Variants in MERTK observed in about 807,000 individuals in gnomAD.
MERTK encodes the protein MER proto-oncogene, tyrosine kinase.
Under a neutral mutation model 99.3 loss-of-function variants are expected in MERTK, and 69 were observed. That is an observed-to-expected ratio of 0.70 (90% confidence interval 0.57 to 0.85). MERTK has a LOEUF of 0.85. MERTK is among the 40% of genes least tolerant of loss of function. The pLI is 0.00. For synonymous variants in MERTK, 426 were observed against 467.6 expected (o/e 0.91, Z 1.15); for missense variants, 1,125 against 1,249.4 (o/e 0.90, Z 1.50).
intron 4 of MERTK, among the ~76,000 whole-genome samples, chr2:111,957,205 G>A (rs1425687004): frequency 6.6e-6 from 1 of 151,846 alleles, no homozygotes; most frequent in Non-Finnish European, 1.5e-5. Flanking sequence ...ACAGGTGTGA[G>A]CCACTGCGCC....
At chr2:111,986,604 CTG>C (rs1166509856) in intron 8 of MERTK, among the ~76,000 whole-genome samples, 1 of 152,194 alleles carries the variant, frequency 6.6e-6, no homozygotes, top group Non-Finnish European at 1.5e-5. Flanking sequence ...TTATGAATGA[CTG>C]TGGCTGGAGA....
At chr2:111,971,940 C>T (rs1220311500) in intron 6 of MERTK, among the ~76,000 whole-genome samples, 2 of 152,178 alleles carry the variant, frequency 1.3e-5, no homozygotes, top group Non-Finnish European at 1.5e-5. Context: ...TTCTCCCTTC[C>T]GTTCTATCAG....
At chr2:112,027,888 G>A (rs1205482684) in intron 18 of MERTK, among the ~76,000 whole-genome samples, 1 of 152,186 alleles carries the variant, frequency 6.6e-6, no homozygotes, top group Non-Finnish European at 1.5e-5. Context: ...CCTATAAAGT[G>A]CCAAATAGCA....
In MERTK at chr2:112,028,994, A is replaced by C; in HGVS notation, c.*130A>C. On this transcript the variant is annotated 3_prime_UTR_variant, in exon 19 of 19. Coordinates refer to ENST00000295408, the MANE Select transcript of MERTK (RefSeq NM_006343.3). ...CTCCATGGCCCCAAAGCACCAGATG[A>C]ATGTTGTTAAGTAAGCTGTCATTAA... The C allele has an allele frequency of 1.3e-6, 2 of 1,563,146 alleles. No homozygotes were observed. Among genetic ancestry groups the C allele is most frequent in the Non-Finnish European group, 1.7e-6 (2 of 1,153,604 alleles).
At chr2:111,977,138 T>A (rs1439435938) in intron 7 of MERTK, among the ~76,000 whole-genome samples, 1 of 152,218 alleles carries the variant, frequency 6.6e-6, no homozygotes, top group East Asian at 1.9e-4. Context: ...GTCTTTATAT[T>A]TTATCTGACA....
At chr2:111,963,221 C>T (rs970309558) in intron 4 of MERTK, among the ~76,000 whole-genome samples, 1 of 152,238 alleles carries the variant, frequency 6.6e-6, no homozygotes, top group East Asian at 1.9e-4. Flanking sequence ...GTCCTACCTC[C>T]AGCCCTAAGG....
chr2:111,904,406 T>C (rs1362101832), intron 1 of MERTK, among the ~76,000 whole-genome samples: 1 of 151,694 alleles, frequency 6.6e-6, no homozygotes, highest in Non-Finnish European at 1.5e-5. Flanking sequence ...GATGGAATCT[T>C]GCTCTGTCGC....
intron 5 of MERTK, among the ~76,000 whole-genome samples, chr2:111,967,852 T>G (rs562055166): frequency 5.2e-4 from 79 of 152,190 alleles, no homozygotes; most frequent in African/African-American, 1.9e-3. Flanking sequence ...AGGACATGAG[T>G]ATTTCCACAT....
intron 15 of MERTK, among the ~76,000 whole-genome samples, chr2:112,018,850 T>C (rs988473371): frequency 6.6e-6 from 1 of 152,220 alleles, no homozygotes; most frequent in African/African-American, 2.4e-5. Flanking sequence ...TATGTACTTG[T>C]GGTGCTTTGG....
intron 4 of MERTK, among the ~76,000 whole-genome samples, chr2:111,963,213 C>G (rs1468642703): frequency 1.3e-5 from 2 of 152,234 alleles, no homozygotes; most frequent in Non-Finnish European, 1.5e-5. Flanking sequence ...TGCCGCATGT[C>G]CTACCTCCAG....
intron 9 of MERTK, chr2:111,996,385 G>T (rs1046012613): frequency 6.5e-6 from 1 of 153,270 alleles, no homozygotes; most frequent in South Asian, 2.1e-4. Context: ...TGTTGTGATC[G>T]GTCACTGCGC....
chr2:112,026,268 A>G (rs1461944209), intron 18 of MERTK: 1 of 152,572 alleles, frequency 6.6e-6, no homozygotes, highest in Non-Finnish European at 1.5e-5. Flanking sequence ...GGTATTGAAT[A>G]TTAAAGGAAA....
At chr2:111,909,217 G>GTAAC (rs1216700807) in intron 1 of MERTK, among the ~76,000 whole-genome samples, 1 of 152,142 alleles carries the variant, frequency 6.6e-6, no homozygotes, top group Non-Finnish European at 1.5e-5. Context: ...CCAGGTCTCG[G>GTAAC]TAACGCAGGC....
chr2:111,908,031 G>A (rs1684168051), intron 1 of MERTK, among the ~76,000 whole-genome samples: 1 of 152,188 alleles, frequency 6.6e-6, no homozygotes, highest in South Asian at 2.1e-4. Context: ...TATATCTGAT[G>A]TCTGATTCTT....
intron 4 of MERTK, among the ~76,000 whole-genome samples, chr2:111,951,268 C>A (rs1354406645): frequency 1.3e-5 from 2 of 151,900 alleles, no homozygotes. Context: ...ATCTCTAGAA[C>A]TTATTCATCC....
intron 2 of MERTK, chr2:111,940,847 G>C: frequency 1.1e-6 from 1 of 879,740 alleles, no homozygotes. Context: ...ACATCTCTGA[G>C]ATACTTTTGA....
intron 1 of MERTK, among the ~76,000 whole-genome samples, chr2:111,900,043 T>G (rs1684015001): frequency 6.6e-6 from 1 of 151,040 alleles, no homozygotes; most frequent in Non-Finnish European, 1.5e-5. Flanking sequence ...TTCTCTCAGC[T>G]AAAAGGTTTC....
At chr2:111,943,894 G>T (rs1450010708) in intron 2 of MERTK, among the ~76,000 whole-genome samples, 1 of 152,146 alleles carries the variant, frequency 6.6e-6, no homozygotes, top group Non-Finnish European at 1.5e-5. Context: ...AAAACCCATG[G>T]AGCCCCCCTA....
intron 1 of MERTK, among the ~76,000 whole-genome samples, chr2:111,913,765 T>C (rs1224982982): frequency 6.6e-6 from 1 of 152,212 alleles, no homozygotes; most frequent in Non-Finnish European, 1.5e-5. Flanking sequence ...GCCAGGCTGG[T>C]GTTGAACTCC....
Sources: allele counts gnomAD v4.1 joint callset (sites outside exome capture counted in the v4.1 genomes callset), GRCh38; gene constraint gnomAD v4.1.1; transcripts MANE v1.5; gene names NCBI Gene and HGNC (gene_info 2026-07-23, HGNC 2026-07-21).